Variants in ALG3 observed in about 807,000 individuals in gnomAD.
The protein encoded by ALG3 is dol-P-Man:Man(5)GlcNAc(2)-PP-Dol alpha-1,3-mannosyltransferase.
In ALG3, 39 loss-of-function variants were observed where a neutral mutation model predicts 50.5. The ratio of observed to expected loss-of-function variants is 0.77; its 90% CI spans 0.60 to 1.01. The LOEUF (loss-of-function observed/expected upper bound fraction) is 1.01, where lower values mean the gene tolerates loss of function less well. Ranked by LOEUF, ALG3 falls within the 50% of genes least tolerant of loss-of-function variation. The probability of loss-of-function intolerance (pLI) is 0.00; values close to 1 mark genes in which losing one functional copy is unlikely to be tolerated. For synonymous variants in ALG3, 252 were observed against 237.2 expected (o/e 1.06, Z -0.58); for missense variants, 520 against 554.8 (o/e 0.94, Z 0.63).
intron 7 of ALG3, 49 bp from the exon 8 acceptor site, chr3:184,243,006 T>C (rs1162930331): frequency 1.2e-6 from 2 of 1,603,430 alleles, no homozygotes; most frequent in African/African-American, 2.7e-5. Context: ...GGGGGGACTA[T>C]CCCAAAACAG....
intron 1 of ALG3, among the ~76,000 whole-genome samples, chr3:184,248,473 T>C (rs1719302561): frequency 6.6e-6 from 1 of 152,012 alleles, no homozygotes; most frequent in African/African-American, 2.4e-5. Flanking sequence ...AGTACAACAA[T>C]TTTGGCTCAA....
At chr3:184,243,710 A>C in intron 6 of ALG3, 80 bp from the exon 7 acceptor site, 1 of 1,595,278 alleles carries the variant, frequency 6.3e-7, no homozygotes, top group South Asian at 1.1e-5. Flanking sequence ...CTTAACTGAC[A>C]CTTCCCCCAA....
At chr3:184,244,961 T>C (rs1276521066) in intron 4 of ALG3, 8 of 747,750 alleles carry the variant, frequency 1.1e-5, no homozygotes, top group Admixed American at 4.7e-5. Flanking sequence ...ATTTAGAATG[T>C]GAAGGACTAA....
upstream of ALG3, chr3:184,249,072 C>A (rs775396883): frequency 2.6e-5 from 38 of 1,482,844 alleles, no homozygotes; most frequent in Non-Finnish European, 3.3e-5. Context: ...TCATTTACTC[C>A]ACTAAAATGT....
intron 5 of ALG3, among the ~76,000 whole-genome samples, 154 bp from the exon 6 acceptor site, chr3:184,244,150 C>G (rs1577103050): frequency 6.6e-6 from 1 of 152,238 alleles, no homozygotes; most frequent in East Asian, 1.9e-4. Context: ...TCCCCACCCC[C>G]CGGCCCAGGC....
In ALG3 at chr3:184,248,795, A is replaced by G; in HGVS notation, c.146T>C (p.Leu49Pro). 1 of 1,604,092 alleles carries G rather than the reference A, an allele frequency of 6.2e-7. No individual in the cohort carries two copies. Among genetic ancestry groups the G allele is most frequent in the Non-Finnish European group, 8.5e-7 (1 of 1,174,394 alleles). The change falls in exon 1 of 9, where the codon CTC becomes CCC. Residue 49 changes from leucine (L) to proline (P), a missense_variant. This residue lies in a region of ALG3 where 290 missense variants were observed against 265.9 expected (regional missense o/e 1.09). Transcript: ENST00000397676. ...GGTGATGCCCACCTCCGCCAGGCAG[A>G]GGCAGGCGGCCACCAGCAGCGTGTA... ...PRYTLLVAAC[L>P]CLAEVGITFW...
rs1051851283 is a variant in ALG3, at chr3:184,242,623, G to A, written c.1208C>T (p.Ser403Phe). ...TATGTGCAGGGCAGCAGAGCTGCAG[G>A]ATGTGGAAGGGTATGTGTTCCAGGA... ...ELSWNTYPST[S>F]CSSAALHICH... Residue 403 changes from serine (S) to phenylalanine (F), a missense_variant, in exon 9 of 9, where the codon TCC becomes TTC. Around this residue, in one of 3 missense-constraint regions of ALG3, gnomAD observed 224 missense variants for 272.8 expected, o/e 0.82. Coordinates refer to ENST00000397676, the MANE Select transcript of ALG3 (RefSeq NM_005787.6). 5 of 1,577,224 alleles carry A rather than the reference G, an allele frequency of 3.2e-6. No individual in the cohort carries two copies. The highest frequency in any genetic ancestry group is 2.2e-5 in the East Asian group (1 of 44,468).
chr3:184,243,175 C>T (rs974925171), intron 7 of ALG3: 4 of 639,330 alleles, frequency 6.3e-6, no homozygotes, highest in African/African-American at 1.8e-5. Context: ...GGGTTTGAAC[C>T]CCTAACTTAC....
At position 184,248,755 on chromosome 3, in the gene ALG3, G is replaced by C. The variant is rs1302268373; in HGVS notation, c.186C>G (p.His62Gln). The C allele has an allele frequency of 6.4e-7, 1 of 1,563,886 alleles. No individual in the cohort carries two copies. Among genetic ancestry groups the C allele is most frequent in the Non-Finnish European group, 8.7e-7 (1 of 1,149,740 alleles). ...AEVGITFWVI[H>Q]RVAYTEIDWK... ...CCTCGGCGCACTCACATGCCACCCT[G>C]TGAATGACCCAGAAGGTGATGCCCA... The change falls in exon 1 of 9, where the codon CAC becomes CAG. Residue 62 changes from histidine (H) to glutamine (Q), a missense_variant. Around this residue, in one of 3 missense-constraint regions of ALG3, gnomAD observed 290 missense variants for 265.9 expected, o/e 1.09. Coordinates refer to ENST00000397676, the MANE Select transcript of ALG3 (RefSeq NM_005787.6).
At position 184,245,715 on chromosome 3, in the gene ALG3, A is replaced by T. The variant is rs200538695; in HGVS notation, c.294T>A (p.Leu98=). Residue 98 remains leucine (L), a splice_region_variant and synonymous_variant, in exon 2 of 9, where the codon CTT becomes CTA. Coordinates refer to ENST00000397676, the MANE Select transcript of ALG3 (RefSeq NM_005787.6). ...YTQLQGDTGP[L]VYPAGFVYIF... is the part of the protein sequence containing the mutation. ...CTGAACTTCCTGTCCCCACTCACAC[A>T]AGTGGTCCGGTGTCACCCTGCAGTT... is the stretch of plus-strand genomic sequence containing the variant. 16 of 1,612,510 alleles carry T rather than the reference A, an allele frequency of 9.9e-6. No individual in the cohort carries two copies. The highest frequency in any genetic ancestry group is 1.3e-5 in the Non-Finnish European group (15 of 1,178,666).
At chr3:184,243,350 AC>A (rs1718938685) in intron 7 of ALG3, 1 of 603,966 alleles carries the variant, frequency 1.7e-6, no homozygotes, top group Admixed American at 3.0e-5. Flanking sequence ...AGGGAGAAGT[AC>A]TCATAAGAGT....
chr3:184,245,690 C>T (rs374182897), intron 2 of ALG3, 23 bp downstream of exon 2: 1 of 1,610,708 alleles, frequency 6.2e-7, no homozygotes. Flanking sequence ...CACATCCTCC[C>T]TGAACTTCCT....
chr3:184,249,209 GCAACATTCCTGCCTA>G, upstream of ALG3: 1 of 1,611,494 alleles, frequency 6.2e-7, no homozygotes, highest in Non-Finnish European at 8.5e-7. Context: ...GTCCAGAAAA[GCAACATTCCTGCCTA>G]CCTCCCCCAC....
At position 184,242,601 on chromosome 3, in the gene ALG3, G is replaced by A. The variant is rs756915109; in HGVS notation, c.1230C>T (p.His410=). 2 of 1,596,312 alleles carry A rather than the reference G, an allele frequency of 1.3e-6. No homozygotes were observed. The highest frequency in any genetic ancestry group is 4.5e-5 in the East Asian group (2 of 44,604). The part of the protein sequence containing the change: ...PSTSCSSAAL[H]ICHAVILLQL... ...GCAGCAGGATGACGGCATGGCATATGTGCAGGGCAGCAGAGCTGCAGGATG... is the reference window on the plus strand; with the variant it reads ...GCAGCAGGATGACGGCATGGCATATATGCAGGGCAGCAGAGCTGCAGGATG... The change falls in exon 9 of 9, where the codon CAC becomes CAT. Residue 410 remains histidine, a synonymous_variant. Transcript: ENST00000397676.
At chr3:184,248,965 G>A (rs757602281), upstream of ALG3, 18 of 1,556,198 alleles carry the variant, frequency 1.2e-5, no homozygotes, top group Non-Finnish European at 1.6e-5. Flanking sequence ...GCTTGTGTGG[G>A]CCCACCACCC....
chr3:184,248,143 C>T (rs1448002775), intron 1 of ALG3, among the ~76,000 whole-genome samples: 1 of 152,042 alleles, frequency 6.6e-6, no homozygotes, highest in Non-Finnish European at 1.5e-5. Context: ...CGTGAGCCAC[C>T]GCGCCCGGCA....
At position 184,245,575 on chromosome 3, in the gene ALG3, A is replaced by AT. The variant is rs754712887; in HGVS notation, c.336_337insA (p.Tyr113IlefsTer8). The AT allele has an allele frequency of 6.2e-7, 1 of 1,613,756 alleles. No homozygotes were observed. ...ATGTCAGTGCCTCGGCTGGTGGCATAGTACAACCCCATAAAGATGTACACG... is the reference window on the plus strand; with the variant it reads ...ATGTCAGTGCCTCGGCTGGTGGCATATGTACAACCCCATAAAGATGTACACG... On this transcript the variant is annotated frameshift_variant, in exon 3 of 9. Coordinates refer to ENST00000397676, the MANE Select transcript of ALG3 (RefSeq NM_005787.6). LOFTEE classifies it high-confidence loss of function.
chr3:184,242,715 C>T lies in ALG3; in HGVS notation c.1155-39G>A, dbSNP rs751521896. ...ACAGGTTCCACGTTTCATCCAGTTG[C>T]AAGGCCTGCAGACCTGCAGCTCCTC... On this transcript the variant is annotated intron_variant, in intron 8 of 8. Coordinates refer to ENST00000397676, the MANE Select transcript of ALG3 (RefSeq NM_005787.6). 6.4e-6 allele frequency: 10 copies of T among 1,571,974 alleles called. No individual in the cohort carries two copies. The Admixed American group carries it at 1.8e-4, about 28-fold the overall frequency.
chr3:184,243,802 G>A lies in ALG3; in HGVS notation c.921C>T (p.Cys307=). ...HLTLLLLFAL[C]RWHRTGESIL... Reference sequence around the variant, plus strand: ...CTGCCTTTTCTCACCTGTGCCACCTGCAGAGGGCAAACAGCAGGAGCAGGG... The same window carrying A: ...CTGCCTTTTCTCACCTGTGCCACCTACAGAGGGCAAACAGCAGGAGCAGGG... The change falls in exon 6 of 9, where the codon TGC becomes TGT. Residue 307 remains cysteine, a synonymous_variant. Coordinates refer to ENST00000397676, the MANE Select transcript of ALG3 (RefSeq NM_005787.6). 6.2e-7 allele frequency: 1 copy of A among 1,613,650 alleles called. No individual in the cohort carries two copies.
Sources: allele counts gnomAD v4.1 joint callset (sites outside exome capture counted in the v4.1 genomes callset), GRCh38; gene constraint gnomAD v4.1.1; regional missense constraint gnomAD v4.1.1; transcripts MANE v1.5; gene names NCBI Gene and HGNC (gene_info 2026-07-23, HGNC 2026-07-21).